The following CCNA1 variants were observed in gnomAD, a reference collection of about 807,000 sequenced individuals.
CCNA1 encodes the protein cyclin-A1.
A neutral mutation model predicts 54.1 loss-of-function variants in CCNA1; 23 were observed. That is an observed-to-expected ratio of 0.42 (90% confidence interval 0.31 to 0.60). CCNA1 has a LOEUF of 0.60. Ranked by LOEUF, CCNA1 falls within the 20% of genes least tolerant of loss-of-function variation. CCNA1 has a pLI of 0.14. For synonymous variants in CCNA1, 208 were observed against 213.9 expected, an observed-to-expected ratio of 0.97 and a Z score of 0.24; for missense variants, 450 against 556.7, an observed-to-expected ratio of 0.81 and a Z score of 1.93.
At chr13:36,437,501 TGCCGAC>T in intron 2 of CCNA1, 122 bp from the exon 3 acceptor site, 1 of 873,806 alleles carries the variant, frequency 1.1e-6, no homozygotes, top group African/African-American at 1.7e-5. Context: ...GGAATTAAAT[TGCCGAC>T]ATAGATTTTT....
At chr13:36,433,377 T>C (rs1240583441) in intron 2 of CCNA1, among the ~76,000 whole-genome samples, 156 bp downstream of exon 2, 2 of 33,428 alleles carry the variant, frequency 6.0e-5, no homozygotes, top group South Asian at 1.2e-3. Context: ...TTATTTTCTT[T>C]CTTTCTTTCT....
chr13:36,435,006 G>A (rs1469130109), intron 2 of CCNA1, among the ~76,000 whole-genome samples: 2 of 152,102 alleles, frequency 1.3e-5, no homozygotes, highest in African/African-American at 4.8e-5. Flanking sequence ...CGCTCCCTCT[G>A]AGTATTACAA....
intron 1 of CCNA1, 130 bp from the exon 2 acceptor site, chr13:36,432,903 A>G (rs4245378): frequency 0.83 from 844,873 of 1,012,910 alleles, 353,759 homozygotes; most frequent in East Asian, 1. Flanking sequence ...CCCAATAATT[A>G]CTGGGAAGAT....
intron 2 of CCNA1, among the ~76,000 whole-genome samples, chr13:36,435,069 C>G (rs76163674): frequency 0.054 from 8,285 of 152,180 alleles, 717 homozygotes; most frequent in African/African-American, 0.19. Flanking sequence ...TCACCTTGAC[C>G]GGTCCCTTTT....
At chr13:36,434,100 T>G (rs1392660430) in intron 2 of CCNA1, among the ~76,000 whole-genome samples, 2 of 152,202 alleles carry the variant, frequency 1.3e-5, no homozygotes, top group Non-Finnish European at 2.9e-5. Context: ...ATCTTGGCTG[T>G]GTTCATTGCG....
Position 36,440,114 on chromosome 13 carries a change from C to A in CCNA1, c.1029C>A (p.Thr343=). The A allele has an allele frequency of 1.2e-6, 2 of 1,614,068 alleles. No homozygotes were observed. The highest frequency in any genetic ancestry group is 1.7e-6 in the Non-Finnish European group (2 of 1,179,958). Reference sequence around the variant, plus strand: ...TAGCTTTTGATCTGACAGTACCAACCACCAACCAGTTTCTCCTTCAGTACT... The same window carrying A: ...TAGCTTTTGATCTGACAGTACCAACAACCAACCAGTTTCTCCTTCAGTACT... The change falls in exon 6 of 9, where the codon ACC becomes ACA. Residue 343 remains threonine (T), a synonymous_variant. Transcript: ENST00000255465.
chr13:36,433,376 TTC>T (rs1199744774), intron 2 of CCNA1, among the ~76,000 whole-genome samples, 155 bp downstream of exon 2: 6 of 33,206 alleles, frequency 1.8e-4, no homozygotes, highest in East Asian at 2.0e-3. Context: ...TTTATTTTCT[TTC>T]TTTCTTTCTT....
At chr13:36,437,459 A>C (rs73169288) in intron 2 of CCNA1, among the ~76,000 whole-genome samples, 170 bp from the exon 3 acceptor site, 1 of 151,570 alleles carries the variant, frequency 6.6e-6, no homozygotes. Context: ...ATAAGGGGGG[A>C]AAAATTACAC....
intron 1 of CCNA1, 25 bp from the exon 2 acceptor site, chr13:36,433,008 T>C (rs751540225): frequency 6.2e-7 from 1 of 1,600,158 alleles, no homozygotes; most frequent in Admixed American, 1.7e-5. Context: ...ACTAAACAGC[T>C]TGTCTGTTTC....
In CCNA1 at chr13:36,432,533, G is replaced by T. The variant is rs1336604101; in HGVS notation, c.-89G>T. On this transcript the variant is annotated 5_prime_UTR_variant, in exon 1 of 9. Transcript: ENST00000255465. ...ACATAGAAAGATAACGACGGGAAGA[G>T]CGGGGCCCGCTTTGGGGTCCAGGCA... The T allele has an allele frequency of 1.1e-5, 8 of 708,412 alleles. No homozygotes were observed. Among genetic ancestry groups the T allele is most frequent in the Non-Finnish European group, 1.9e-5 (8 of 419,618 alleles). The allele number at this position is 708,412 out of a possible 1,614,324, so 43.9% of individuals were successfully genotyped here. A position where few individuals can be genotyped will look rare whatever the true frequency, so the allele number is the denominator to read the frequency against.
chr13:36,432,664 A>G lies in CCNA1; in HGVS notation c.43A>G (p.Ile15Val). The change falls in exon 1 of 9, where the codon ATT becomes GTT. Residue 15 changes from isoleucine (I) to valine (V), a missense_variant. By Grantham distance (29) the Ile-to-Val change is conservative (BLOSUM62 3). Coordinates refer to ENST00000255465, the MANE Select transcript of CCNA1 (RefSeq NM_003914.4). ...CGCAATCATGTACCCTGGATCTTTT[A>G]TTGGGGGCTGGGGAGAAGAGTATCT... 6.2e-7 allele frequency: 1 copy of G among 1,610,426 alleles called. No individual in the cohort carries two copies. Among genetic ancestry groups the G allele is most frequent in the Non-Finnish European group, 8.5e-7 (1 of 1,178,670 alleles).
At chr13:36,441,058 G>A in intron 6 of CCNA1, 60 bp from the exon 7 acceptor site, 1 of 834,750 alleles carries the variant, frequency 1.2e-6, no homozygotes, top group Non-Finnish European at 1.9e-6. Flanking sequence ...CCATTTCCAG[G>A]CTTACTTGTG....
rs773213910 is a variant in CCNA1, at chr13:36,442,648, GTTC to G, written c.1389_1391del (p.Leu464del). ...TGTGTCCCTCATGGAGCCACCTGCA[GTTC>G]TTCTTCTACAATAAGTTTCTGAATG... On this transcript the variant is annotated inframe_deletion, in exon 9 of 9. Transcript: ENST00000255465. The G allele has an allele frequency of 5.1e-5, 82 of 1,613,962 alleles. No homozygotes were observed. Among genetic ancestry groups the G allele is most frequent in the Middle Eastern group, 3.3e-4 (2 of 6,060 alleles).
In CCNA1 at chr13:36,437,806, G is replaced by A. The variant is rs199835821; in HGVS notation, c.475G>A (p.Glu159Lys). ...CTCGGTCAGAGAGGGGATGGCATTT[G>A]AGGATGTGTATGAAGTAGACACCGG... Residue 159 changes from glutamate to lysine, a missense_variant, in exon 3 of 9, where the codon GAG (glutamate) becomes AAG (lysine). Glu to Lys is a moderately conservative substitution (Grantham distance 56, BLOSUM62 1). Around this residue, in one of 6 missense-constraint regions of CCNA1, gnomAD observed 103 missense variants for 92.9 expected, o/e 1.11. Coordinates refer to ENST00000255465, the MANE Select transcript of CCNA1 (RefSeq NM_003914.4). 9 of 1,614,200 alleles carry A rather than the reference G, an allele frequency of 5.6e-6. No individual in the cohort carries two copies. In the East Asian group the frequency reaches 2.0e-4, roughly 36 times the overall value.
intron 2 of CCNA1, among the ~76,000 whole-genome samples, chr13:36,433,547 T>A (rs1236009318): frequency 3.9e-5 from 1 of 25,548 alleles, no homozygotes; most frequent in Admixed American, 4.2e-4. Context: ...CTTTCCTTCT[T>A]TTTTTTTTTT....
intron 5 of CCNA1, 92 bp from the exon 6 acceptor site, chr13:36,439,887 G>T (rs1566173207): frequency 4.0e-6 from 3 of 759,010 alleles, no homozygotes; most frequent in Non-Finnish European, 6.6e-6. Context: ...AAGTAAGTCT[G>T]CAAGGGCCAT....
rs535743334 is a variant in CCNA1 at position 36,441,500 on chromosome 13, G to A, written c.1212+269G>A. 7.2e-5 allele frequency among the ~76,000 whole-genome samples: 11 copies of A among 152,300 alleles called. No individual in the cohort carries two copies. In the South Asian group the frequency reaches 2.3e-3, roughly 32 times the overall value. ...CTCAGTGCCCACTGTTATTCAGGGA[G>A]GGCCCTTGAGGTACAATCATTGACT... is the stretch of plus-strand genomic sequence containing the variant. On this transcript the variant is annotated intron_variant, in intron 7 of 8. Coordinates refer to ENST00000255465, the MANE Select transcript of CCNA1 (RefSeq NM_003914.4).
rs1593318049 is a variant in CCNA1 at position 36,432,531 on chromosome 13, G to A, written c.-91G>A. On this transcript the variant is annotated 5_prime_UTR_variant, in exon 1 of 9. Transcript: ENST00000255465. Reference sequence around the variant, plus strand: ...ACACATAGAAAGATAACGACGGGAAGAGCGGGGCCCGCTTTGGGGTCCAGG... The same window carrying A: ...ACACATAGAAAGATAACGACGGGAAAAGCGGGGCCCGCTTTGGGGTCCAGG... The A allele has an allele frequency of 1.4e-6, 1 of 694,212 alleles. No individual in the cohort carries two copies. The highest frequency in any genetic ancestry group is 2.4e-6 in the Non-Finnish European group (1 of 409,344). The allele number at this position is 694,212 out of a possible 1,614,324, so 43.0% of individuals were successfully genotyped here.
At chr13:36,438,019 C>A in intron 3 of CCNA1, 48 bp from the exon 4 acceptor site, 1 of 1,599,330 alleles carries the variant, frequency 6.3e-7, no homozygotes, top group Non-Finnish European at 8.5e-7. Context: ...GTGGATTGAA[C>A]AAATGTTTAA....
Sources: gnomAD v4.1 joint callset for allele counts (sites outside exome capture counted in the v4.1 genomes callset) on GRCh38, gnomAD v4.1.1 for gene constraint, gnomAD v4.1.1 regional missense constraint, MANE v1.5 for transcripts, NCBI Gene and HGNC (gene_info 2026-07-23, HGNC 2026-07-21) for gene names.